The following DNAH8 variants were observed in gnomAD, a reference collection of about 807,000 sequenced individuals.
The protein encoded by DNAH8 is axonemal beta dynein heavy chain 8.
DNAH8 carries 382 observed loss-of-function variants against 562.1 expected under a neutral mutation model. The observed-to-expected ratio is 0.68, with a 90% CI of 0.63 to 0.74. The LOEUF (loss-of-function observed/expected upper bound fraction) is 0.74. Among genes scored for constraint, DNAH8 ranks in the 30% least tolerant of loss-of-function variants. DNAH8 has a pLI of 0.00. For synonymous variants in DNAH8, 1,881 were observed against 1,919.4 expected, an observed-to-expected ratio of 0.98 and a Z score of 0.52; for missense variants, 5,203 against 5,620.4, an observed-to-expected ratio of 0.93 and a Z score of 2.37.
In DNAH8 at chr6:39,030,659, AG is replaced by A. The variant is rs1767614516; in HGVS notation, c.*268del. ...AAAGATAAAACCCTGTTTGGATGTT[AG>A]AACACTTTGGAAGCTCTGAATTTTA... On this transcript the variant is annotated 3_prime_UTR_variant, in exon 93 of 93. Coordinates refer to ENST00000327475, the MANE Select transcript of DNAH8 (RefSeq NM_001206927.2). 1.4e-5 allele frequency: 5 copies of A among 367,736 alleles called. No individual in the cohort carries two copies. In the South Asian group the frequency reaches 2.0e-4, roughly 14 times the overall value. 22.8% of individuals were successfully genotyped at this position (367,736 alleles called of 1,614,324 possible).
At chr6:38,727,792 C>T (rs1562563893) in intron 3 of DNAH8, among the ~76,000 whole-genome samples, 1 of 152,114 alleles carries the variant, frequency 6.6e-6, no homozygotes, top group Admixed American at 6.5e-5. Context: ...TCCCACTTTC[C>T]TGCCCCCTTC....
intron 8 of DNAH8, among the ~76,000 whole-genome samples, chr6:38,745,750 G>C (rs1460117929): frequency 1.3e-5 from 2 of 152,164 alleles, no homozygotes; most frequent in Non-Finnish European, 2.9e-5. Flanking sequence ...TATACTTCAT[G>C]AGCTTGATAC....
intron 3 of DNAH8, among the ~76,000 whole-genome samples, chr6:38,728,668 A>G (rs1390430745): frequency 1.3e-5 from 2 of 152,184 alleles, no homozygotes; most frequent in Non-Finnish European, 2.9e-5. Context: ...AGTAGAGAAC[A>G]AAGGGCTAGA....
chr6:38,743,778 A>C (rs1764707946), intron 8 of DNAH8, among the ~76,000 whole-genome samples: 1 of 152,154 alleles, frequency 6.6e-6, no homozygotes, highest in Admixed American at 6.6e-5. Context: ...GTTTATGGAC[A>C]TTTGGGTTGT....
At chr6:38,882,011 T>C (rs190386693) in intron 53 of DNAH8, among the ~76,000 whole-genome samples, 1 of 152,318 alleles carries the variant, frequency 6.6e-6, no homozygotes, top group East Asian at 1.9e-4. Context: ...AGGCAAGGTT[T>C]CTCCAGATGG....
intron 8 of DNAH8, among the ~76,000 whole-genome samples, chr6:38,746,853 C>T (rs561055629): frequency 1.1e-4 from 17 of 151,732 alleles, no homozygotes; most frequent in African/African-American, 3.6e-4. Flanking sequence ...CACTTGAACC[C>T]GGGAGGTAGA....
rs753226016 is a variant in DNAH8 at position 38,883,302 on chromosome 6, C to T, written c.8002-20C>T. 6 of 1,600,666 alleles carry T rather than the reference C, an allele frequency of 3.7e-6. No homozygotes were observed. In the Admixed American group the frequency reaches 8.7e-5, roughly 23 times the overall value. On this transcript the variant is annotated intron_variant, in intron 54 of 92. Transcript: ENST00000327475. ...AAATAAGTTGTAACACATTTCAACA[C>T]TATTATCCTATGATTGCAGGCTGTT...
chr6:38,971,534 T>C, intron 82 of DNAH8, 58 bp from the exon 83 acceptor site: 3 of 1,104,144 alleles, frequency 2.7e-6, no homozygotes, highest in South Asian at 1.9e-5. Flanking sequence ...TAATTTTTCA[T>C]TCTAATCCTG....
rs771763512 is a variant in DNAH8, at chr6:38,984,285, G to A, written c.13031G>A (p.Arg4344His). Residue 4344 changes from arginine to histidine, a missense_variant, in exon 87 of 93, where the codon CGT (arginine) becomes CAT (histidine). Physicochemically the swap from Arg to His is conservative, Grantham distance 29 (BLOSUM62 0). Transcript: ENST00000327475. ...GGRVTDDFDK[R>H]LLNCFARVWF... ...AGAGTGACAGATGACTTTGACAAAC[G>A]TCTACTTAATTGCTTTGCCAGAGTA... The A allele has an allele frequency of 2.7e-5, 44 of 1,606,378 alleles. 1 individual carries two copies. The highest frequency in any genetic ancestry group is 2.5e-4 in the South Asian group (23 of 90,902).
chr6:38,794,868 A>AT (rs34990318), intron 21 of DNAH8, among the ~76,000 whole-genome samples: 77,397 of 151,466 alleles, frequency 0.51, 21,111 homozygotes, highest in African/African-American at 0.64. Flanking sequence ...ATTCTTGTAA[A>AT]TTTTTTTTTG....
At chr6:39,010,687 A>G (rs1232658398) in intron 89 of DNAH8, among the ~76,000 whole-genome samples, 1 of 151,914 alleles carries the variant, frequency 6.6e-6, no homozygotes, top group Non-Finnish European at 1.5e-5. Context: ...AAGTATTTCT[A>G]TAATTTCCCT....
Position 38,945,888 on chromosome 6 carries a change from G to A in DNAH8, c.12129+300G>A, listed in dbSNP as rs2076514. ...GTAGATGGACCCTTTTATTGTAGAC[G>A]ACTCATGCTTTTACACTTTAACTTC... On this transcript the variant is annotated intron_variant, in intron 80 of 92. Coordinates refer to ENST00000327475, the MANE Select transcript of DNAH8 (RefSeq NM_001206927.2). Among the ~76,000 whole-genome samples, 18,963 of 152,100 alleles carry A rather than the reference G, an allele frequency of 0.12. 1,425 individuals carry two copies. Among genetic ancestry groups the A allele is most frequent in the East Asian group, 0.3 (1,536 of 5,174 alleles).
chr6:38,982,588 T>C lies in DNAH8; in HGVS notation c.12951+126T>C, dbSNP rs1764108650. The C allele has an allele frequency of 3.3e-5, 20 of 613,242 alleles. No homozygotes were observed. The South Asian group carries it at 4.3e-4, about 13-fold the overall frequency. The allele number at this position is 613,242 out of a possible 1,614,324, so 38.0% of individuals were successfully genotyped here. On this transcript the variant is annotated intron_variant, in intron 86 of 92. Coordinates refer to ENST00000327475, the MANE Select transcript of DNAH8 (RefSeq NM_001206927.2). ...CCATGGAGCCCCCTTTGAAGGGACT[T>C]GTTGCTGTAATCAGGCACTTGCTGG...
intron 20 of DNAH8, 122 bp from the exon 21 acceptor site, chr6:38,791,433 T>C: frequency 8.2e-7 from 1 of 1,220,236 alleles, no homozygotes; most frequent in South Asian, 1.7e-5. Flanking sequence ...TATGCTTGGC[T>C]CAAGATGCAA....
intron 33 of DNAH8, among the ~76,000 whole-genome samples, chr6:38,840,529 G>A (rs1774688604): frequency 6.6e-6 from 1 of 152,062 alleles, no homozygotes; most frequent in African/African-American, 2.4e-5. Flanking sequence ...TATTTCTATT[G>A]AAGTCTACGG....
intron 25 of DNAH8, 82 bp downstream of exon 25, chr6:38,814,211 A>G (rs1309441241): frequency 2.5e-6 from 2 of 803,678 alleles, no homozygotes; most frequent in African/African-American, 1.8e-5. Context: ...TTTAGGTAAC[A>G]TTTTGGTCCT....
In DNAH8 at chr6:38,806,711, G is replaced by A. The variant is rs529098942; in HGVS notation, c.3151-899G>A. 2.8e-3 allele frequency among the ~76,000 whole-genome samples: 425 copies of A among 152,034 alleles called. 2 individuals carry two copies. Among genetic ancestry groups the A allele is most frequent in the Non-Finnish European group, 4.0e-3 (271 of 67,978 alleles). On this transcript the variant is annotated intron_variant, in intron 23 of 92. Transcript: ENST00000327475. ...CAGGAGAATGGCGTGAACCCGGGAG[G>A]CAGAGCTTGCAGTGAGCCGAGATCG... is the stretch of plus-strand genomic sequence containing the variant.
At chr6:39,029,297 C>T (rs767164010) in intron 92 of DNAH8, among the ~76,000 whole-genome samples, 1 of 152,086 alleles carries the variant, frequency 6.6e-6, no homozygotes, top group East Asian at 1.9e-4. Flanking sequence ...CAAACACAGC[C>T]CCCTGCTGCA....
chr6:38,766,690 C>CA lies in DNAH8; in HGVS notation c.1618-3718dup, dbSNP rs575001443. On this transcript the variant is annotated intron_variant, in intron 11 of 92. Coordinates refer to ENST00000327475, the MANE Select transcript of DNAH8 (RefSeq NM_001206927.2). Reference sequence around the variant, plus strand: ...AGAAAGTAGGTCACACCCCCAACCCCAAAAAGTAATTCACACCCCCCACCC... The same window carrying CA: ...AGAAAGTAGGTCACACCCCCAACCCCAAAAAAGTAATTCACACCCCCCACCC... Among the ~76,000 whole-genome samples the CA allele has an allele frequency of 1.9e-4, 29 of 152,064 alleles. No individual in the cohort carries two copies. The East Asian group carries it at 4.6e-3, about 24-fold the overall frequency.
Sources: gnomAD v4.1 joint callset for allele counts (sites outside exome capture counted in the v4.1 genomes callset) on GRCh38, gnomAD v4.1.1 for gene constraint, MANE v1.5 for transcripts, NCBI Gene and HGNC (gene_info 2026-07-23, HGNC 2026-07-21) for gene names.